The following C19orf47 variants were observed in gnomAD, a reference collection of about 807,000 sequenced individuals.
C19orf47 encodes chromosome 19 open reading frame 47.
C19orf47 carries 18 observed loss-of-function variants against 32.3 expected under a neutral mutation model. That is an observed-to-expected ratio of 0.56 (90% confidence interval 0.39 to 0.83). The LOEUF is 0.83. C19orf47 is among the 40% of genes least tolerant of loss of function. The pLI is 0.00. For missense variants in C19orf47, 484 were observed against 531.6 expected (o/e 0.91, Z 0.88); for synonymous variants, 202 against 211.1 (o/e 0.96, Z 0.37).
intron 1 of C19orf47, chr19:40,342,464 C>CAAA (rs1221105610): frequency 6.5e-6 from 1 of 153,408 alleles, no homozygotes; most frequent in African/African-American, 2.4e-5. Flanking sequence ...AACAAACAAA[C>CAAA]CCAAAACCCT....
At chr19:40,315,999 CAA>C (rs781735909), downstream of C19orf47, among the ~76,000 whole-genome samples, 1 of 135,884 alleles carries the variant, frequency 7.4e-6, no homozygotes. Flanking sequence ...AAGTCTATTA[CAA>C]AAAAAAAAAG....
In C19orf47 at chr19:40,323,694, T is replaced by C. The variant is rs752256018; in HGVS notation, c.663+312A>G. 6.6e-5 allele frequency among the ~76,000 whole-genome samples: 10 copies of C among 151,714 alleles called. 1 individual carries two copies. Among genetic ancestry groups the C allele is most frequent in the African/African-American group, 1.2e-4 (5 of 41,278 alleles). On this transcript the variant is annotated intron_variant, in intron 8 of 8. Coordinates refer to ENST00000683109, the MANE Select transcript of C19orf47 (RefSeq NM_001256441.2). ...CATCAGACCCACTGACAGACTGCAA[T>C]GGGGAGGGCAGGCAGCCCTCAGATG...
At chr19:40,306,195 C>G in the C19orf47 span, among the ~76,000 whole-genome samples, 1 of 146,828 alleles carries the variant, frequency 6.8e-6, no homozygotes, top group Non-Finnish European at 1.5e-5. Flanking sequence ...TGTTCTTGAT[C>G]TTAGGAACTA....
Position 40,344,404 on chromosome 19 carries a change from G to A in C19orf47, c.-33-2514C>T, listed in dbSNP as rs576538915. Among the ~76,000 whole-genome samples the A allele has an allele frequency of 6.0e-5, 9 of 151,250 alleles. No individual in the cohort carries two copies. In the South Asian group the frequency reaches 8.4e-4, roughly 14 times the overall value. On this transcript the variant is annotated intron_variant, in intron 1 of 8. Transcript: ENST00000683109. The stretch of plus-strand genomic sequence containing the variant: ...TGAGGCAGGAGAATCGCTTGAACCC[G>A]GGAGGCAGAGGCTGCAGTGGGCCGA...
the C19orf47 span, among the ~76,000 whole-genome samples, chr19:40,300,814 G>T: frequency 6.6e-6 from 1 of 152,138 alleles, no homozygotes; most frequent in Non-Finnish European, 1.5e-5. Flanking sequence ...ACATTGGACT[G>T]GGTAAGAATT....
At chr19:40,346,442 CAAATAAATAAATAAATAAAT>C (rs201362970) in intron 1 of C19orf47, among the ~76,000 whole-genome samples, 51 of 105,864 alleles carry the variant, frequency 4.8e-4, no homozygotes, top group African/African-American at 1.3e-3. Context: ...GACCTTGTCT[CAAATAAATAAATAAATAAAT>C]AAATAAATAA....
intron 5 of C19orf47, among the ~76,000 whole-genome samples, chr19:40,333,266 T>TAAGA (rs1336083927): frequency 8.3e-4 from 91 of 110,286 alleles, no homozygotes; most frequent in African/African-American, 3.1e-3. Context: ...AATAAATAAA[T>TAAGA]AAATAAGAAA....
At chr19:40,315,731 G>A (rs2077657658), downstream of C19orf47, among the ~76,000 whole-genome samples, 1 of 150,912 alleles carries the variant, frequency 6.6e-6, no homozygotes. Flanking sequence ...AGTGAGCCGA[G>A]ATCACCCCAC....
At chr19:40,305,935 G>C in the C19orf47 span, among the ~76,000 whole-genome samples, 1 of 151,962 alleles carries the variant, frequency 6.6e-6, no homozygotes, top group African/African-American at 2.4e-5. Context: ...GATCACCTGA[G>C]GTCAGGAGTT....
At chr19:40,308,710 C>A in the C19orf47 span, among the ~76,000 whole-genome samples, 34 of 151,918 alleles carry the variant, frequency 2.2e-4, no homozygotes, top group Non-Finnish European at 4.3e-4. Flanking sequence ...GTGATCCGCC[C>A]GCCTCAGCCT....
Position 40,333,843 on chromosome 19 carries a change from G to C in C19orf47, c.301+8C>G. ...CAAGGAAAAGAGGCCTGAATAGTTAGGACTCACCACTGGTGCCACGGCGAA... is the reference window on the plus strand; with the variant it reads ...CAAGGAAAAGAGGCCTGAATAGTTACGACTCACCACTGGTGCCACGGCGAA... On this transcript the variant is annotated splice_region_variant and intron_variant, in intron 5 of 8. Coordinates refer to ENST00000683109, the MANE Select transcript of C19orf47 (RefSeq NM_001256441.2). 1.3e-5 allele frequency: 21 copies of C among 1,560,958 alleles called. No individual in the cohort carries two copies. Among genetic ancestry groups the C allele is most frequent in the Non-Finnish European group, 1.7e-5 (20 of 1,151,208 alleles).
At position 40,326,461 on chromosome 19, in the gene C19orf47, C is replaced by G; in HGVS notation, c.465G>C (p.Glu155Asp). ...GCCGCTTGGCAGGAACAGCCAGGCT[C>G]TCCTCCTCCCGGCGGGCCAGGGCTG... ...ATAALARREE[E>D]SLAVPAKRRR... The change falls in exon 7 of 9, where the codon GAG becomes GAC. Residue 155 changes from glutamate (E) to aspartate (D), a missense_variant. Physicochemically the swap from Glu to Asp is conservative, Grantham distance 45 (BLOSUM62 2). Transcript: ENST00000683109. 6.2e-7 allele frequency: 1 copy of G among 1,613,916 alleles called. No homozygotes were observed. The highest frequency in any genetic ancestry group is 8.5e-7 in the Non-Finnish European group (1 of 1,180,040).
chr19:40,333,944 C>T lies in C19orf47; in HGVS notation c.223-15G>A, dbSNP rs1421874875. On this transcript the variant is annotated splice_polypyrimidine_tract_variant and intron_variant, in intron 4 of 8. Transcript: ENST00000683109. ...TTGCACATGTCCTGTGAAAAAAGAA[C>T]AGGCACCTGGGTCACCACAGAAGAA... 2 of 1,550,788 alleles carry T rather than the reference C, an allele frequency of 1.3e-6. No individual in the cohort carries two copies. Among genetic ancestry groups the T allele is most frequent in the African/African-American group, 1.4e-5 (1 of 73,484 alleles).
At chr19:40,313,325 T>A in the C19orf47 span, among the ~76,000 whole-genome samples, 182 of 152,266 alleles carry the variant, frequency 1.2e-3, no homozygotes, top group African/African-American at 4.1e-3. Flanking sequence ...GTTGCTTTTT[T>A]AAATTTTTTA....
chr19:40,307,939 A>C, the C19orf47 span, among the ~76,000 whole-genome samples: 398 of 151,798 alleles, frequency 2.6e-3, no homozygotes, highest in Non-Finnish European at 4.4e-3. Flanking sequence ...CTGGGATTAC[A>C]GTCACCCGCC....
chr19:40,321,275 C>A lies in C19orf47; in HGVS notation c.*607G>T. 6.1e-6 allele frequency: 6 copies of A among 986,536 alleles called. No individual in the cohort carries two copies. Among genetic ancestry groups the A allele is most frequent in the Non-Finnish European group, 7.2e-6 (6 of 830,208 alleles). The allele number at this position is 986,536 out of a possible 1,614,324, so 61.1% of individuals were successfully genotyped here. ...CGGCTAACAGTCTCAACAGGCTCGA[C>A]GCCACCGCCGACGAGGGGGCCGCTG... On this transcript the variant is annotated 3_prime_UTR_variant, in exon 9 of 9. Coordinates refer to ENST00000683109, the MANE Select transcript of C19orf47 (RefSeq NM_001256441.2).
chr19:40,309,477 C>T, the C19orf47 span, among the ~76,000 whole-genome samples: 1 of 152,220 alleles, frequency 6.6e-6, no homozygotes, highest in South Asian at 2.1e-4. Context: ...GCGGGAGCCA[C>T]CGTGCCTCGC....
chr19:40,317,831 T>A (rs11880037), downstream of C19orf47, among the ~76,000 whole-genome samples: 43 of 151,968 alleles, frequency 2.8e-4, no homozygotes, highest in African/African-American at 1.0e-3. Context: ...GTGATTCTCG[T>A]GTCTCAGCCT....
In C19orf47 at chr19:40,321,504, G is replaced by T; in HGVS notation, c.*378C>A. On this transcript the variant is annotated 3_prime_UTR_variant, in exon 9 of 9. Coordinates refer to ENST00000683109, the MANE Select transcript of C19orf47 (RefSeq NM_001256441.2). ...ACCAGGTGACACCCACTTAGTTGAGGGGGACAGGGAGGCTGATGAGCTGGG... is the reference window on the plus strand; with the variant it reads ...ACCAGGTGACACCCACTTAGTTGAGTGGGACAGGGAGGCTGATGAGCTGGG... 1 of 1,026,518 alleles carries T rather than the reference G, an allele frequency of 9.7e-7. No individual in the cohort carries two copies. Among genetic ancestry groups the T allele is most frequent in the Non-Finnish European group, 1.2e-6 (1 of 855,248 alleles). The allele number at this position is 1,026,518 out of a possible 1,614,324, so 63.6% of individuals were successfully genotyped here.
Sources: gnomAD v4.1 joint callset for allele counts (sites outside exome capture counted in the v4.1 genomes callset) on GRCh38, gnomAD v4.1.1 for gene constraint, MANE v1.5 for transcripts, NCBI Gene and HGNC (gene_info 2026-07-23, HGNC 2026-07-21) for gene names.